The following FIGN variants were observed in gnomAD, a reference collection of about 807,000 sequenced individuals.
The protein encoded by FIGN is fidgetin, microtubule severing factor, also known as fidgetin.
Under a neutral mutation model 51.3 loss-of-function variants are expected in FIGN, and 11 were observed. The ratio of observed to expected loss-of-function variants is 0.21; its 90% CI spans 0.13 to 0.35. The LOEUF is 0.35. Among genes scored for constraint, FIGN ranks in the 10% least tolerant of loss-of-function variants. The pLI is 1.00. For missense variants in FIGN, 857 were observed against 943.6 expected (o/e 0.91, Z 1.20); for synonymous variants, 407 against 363.2 (o/e 1.12, Z -1.37).
At chr2:163,727,420 T>C (rs1311995314) in intron 2 of FIGN, among the ~76,000 whole-genome samples, 1 of 152,076 alleles carries the variant, frequency 6.6e-6, no homozygotes, top group Non-Finnish European at 1.5e-5. Flanking sequence ...GTGGGGTAAA[T>C]TTTTACTTAA....
intron 2 of FIGN, among the ~76,000 whole-genome samples, chr2:163,647,536 A>G (rs1683400948): frequency 6.6e-6 from 1 of 151,920 alleles, no homozygotes; most frequent in African/African-American, 2.4e-5. Flanking sequence ...TTCTGCAGAC[A>G]CAGAGACTCC....
At chr2:163,617,417 A>T (rs1682896674) in intron 2 of FIGN, among the ~76,000 whole-genome samples, 1 of 152,144 alleles carries the variant, frequency 6.6e-6, no homozygotes. Context: ...AAACCTTTTC[A>T]ACTCTCTTTT....
At chr2:163,653,434 TA>T (rs1683509251) in intron 2 of FIGN, among the ~76,000 whole-genome samples, 1 of 152,046 alleles carries the variant, frequency 6.6e-6, no homozygotes. Flanking sequence ...TTTTTGAAAT[TA>T]AAAAAAGTAT....
At chr2:163,648,914 G>A (rs1052562714) in intron 2 of FIGN, among the ~76,000 whole-genome samples, 5 of 152,242 alleles carry the variant, frequency 3.3e-5, no homozygotes, top group African/African-American at 1.2e-4. Context: ...TTTATAACTA[G>A]CTTAATTAAC....
At chr2:163,698,588 C>T (rs899433898) in intron 2 of FIGN, among the ~76,000 whole-genome samples, 1 of 152,146 alleles carries the variant, frequency 6.6e-6, no homozygotes, top group Non-Finnish European at 1.5e-5. Context: ...ACCTTCCCTG[C>T]TTGCTAATTG....
chr2:163,707,285 G>T (rs1465660543), intron 2 of FIGN, among the ~76,000 whole-genome samples: 4 of 151,870 alleles, frequency 2.6e-5, no homozygotes, highest in African/African-American at 9.7e-5. Context: ...GGAGGTGGAG[G>T]TTGCACCTTG....
chr2:163,665,247 T>G (rs956359743), intron 2 of FIGN, among the ~76,000 whole-genome samples: 1 of 152,238 alleles, frequency 6.6e-6, no homozygotes, highest in South Asian at 2.1e-4. Flanking sequence ...AGGCTCACAT[T>G]TGCATGCTCA....
At chr2:163,644,155 C>A (rs1188646899) in intron 2 of FIGN, among the ~76,000 whole-genome samples, 1 of 151,810 alleles carries the variant, frequency 6.6e-6, no homozygotes, top group Non-Finnish European at 1.5e-5. Context: ...AGACAACTCA[C>A]AAGAGAAAAT....
intron 2 of FIGN, among the ~76,000 whole-genome samples, chr2:163,702,915 T>C: frequency 6.6e-6 from 1 of 152,230 alleles, no homozygotes; most frequent in East Asian, 1.9e-4. Flanking sequence ...TAGGTAGACT[T>C]TCTTTCATGC....
At position 163,720,087 on chromosome 2, in the gene FIGN, G is replaced by A. The variant is rs1291027105; in HGVS notation, c.25+14816C>T. On this transcript the variant is annotated intron_variant, in intron 2 of 2. Transcript: ENST00000333129. Reference sequence around the variant, plus strand: ...AAATTAAGCTGTAAATATCTGGACCGGGTTATTACTGGAATCTGGAAACAT... The same window carrying A: ...AAATTAAGCTGTAAATATCTGGACCAGGTTATTACTGGAATCTGGAAACAT... Among the ~76,000 whole-genome samples the A allele has an allele frequency of 4.6e-5, 7 of 152,060 alleles. No homozygotes were observed. The East Asian group carries it at 1.3e-3, about 29-fold the overall frequency.
At chr2:163,646,706 T>C (rs1212604515) in intron 2 of FIGN, among the ~76,000 whole-genome samples, 1 of 152,202 alleles carries the variant, frequency 6.6e-6, no homozygotes, top group Non-Finnish European at 1.5e-5. Flanking sequence ...CACCATTCTA[T>C]TGAAACAGGA....
At chr2:163,612,760 A>ATG (rs915034361) in intron 2 of FIGN, among the ~76,000 whole-genome samples, 8 of 142,494 alleles carry the variant, frequency 5.6e-5, no homozygotes, top group Non-Finnish European at 9.0e-5. Context: ...ATATATATAT[A>ATG]TATATATATT....
intron 2 of FIGN, among the ~76,000 whole-genome samples, chr2:163,678,521 A>G (rs1684009410): frequency 6.6e-6 from 1 of 152,020 alleles, no homozygotes; most frequent in Non-Finnish European, 1.5e-5. Flanking sequence ...ACGCCTGACC[A>G]ACATGTCATC....
chr2:163,715,048 AC>A (rs1684647454), intron 2 of FIGN, among the ~76,000 whole-genome samples: 1 of 152,110 alleles, frequency 6.6e-6, no homozygotes, highest in Non-Finnish European at 1.5e-5. Flanking sequence ...AAAATAACAC[AC>A]CCTCCTTCAT....
intron 2 of FIGN, among the ~76,000 whole-genome samples, chr2:163,689,811 C>T (rs1217350945): frequency 6.6e-6 from 1 of 152,022 alleles, no homozygotes; most frequent in African/African-American, 2.4e-5. Flanking sequence ...GTTTATGAGC[C>T]CAAGGTCCCC....
intron 2 of FIGN, among the ~76,000 whole-genome samples, chr2:163,707,365 AC>A (rs1684517612): frequency 1.3e-5 from 2 of 151,126 alleles, no homozygotes; most frequent in South Asian, 2.1e-4. Context: ...AAAAAAAAAA[AC>A]AAAAAAAGAA....
chr2:163,729,733 C>T (rs1684896265), intron 2 of FIGN, among the ~76,000 whole-genome samples: 1 of 152,114 alleles, frequency 6.6e-6, no homozygotes, highest in Non-Finnish European at 1.5e-5. Flanking sequence ...ACTATAAATG[C>T]TTTGTGAAAG....
intron 2 of FIGN, among the ~76,000 whole-genome samples, chr2:163,636,473 C>T (rs529420290): frequency 9.9e-5 from 15 of 152,108 alleles, no homozygotes; most frequent in East Asian, 7.8e-4. Flanking sequence ...TTAGTAGAGA[C>T]GGGGTTTCTC....
At chr2:163,726,355 C>T (rs1684838216) in intron 2 of FIGN, among the ~76,000 whole-genome samples, 1 of 152,070 alleles carries the variant, frequency 6.6e-6, no homozygotes, top group African/African-American at 2.4e-5. Flanking sequence ...ATAAGACCCA[C>T]ATCTTTTGTA....
Sources: gnomAD v4.1 joint callset for allele counts (sites outside exome capture counted in the v4.1 genomes callset) on GRCh38, gnomAD v4.1.1 for gene constraint, MANE v1.5 for transcripts, NCBI Gene and HGNC (gene_info 2026-07-23, HGNC 2026-07-21) for gene names.